The following PTPN5 variants were observed in gnomAD, a reference collection of about 807,000 sequenced individuals.
PTPN5 encodes tyrosine-protein phosphatase non-receptor type 5.
In PTPN5, 29 loss-of-function variants were observed where a neutral mutation model predicts 73.9. The ratio of observed to expected loss-of-function variants is 0.39; its 90% CI spans 0.29 to 0.54. The LOEUF is 0.54. PTPN5 is among the 20% of genes least tolerant of loss of function. PTPN5 has a pLI of 0.65. For missense variants in PTPN5, 652 were observed against 751.4 expected, an observed-to-expected ratio of 0.87 and a Z score of 1.55; for synonymous variants, 267 against 304.7, an observed-to-expected ratio of 0.88 and a Z score of 1.29.
At chr11:18,783,749 G>A (rs1048514427) in intron 1 of PTPN5, among the ~76,000 whole-genome samples, 1 of 152,196 alleles carries the variant, frequency 6.6e-6, no homozygotes, top group Non-Finnish European at 1.5e-5. Context: ...TAGACATTAA[G>A]CTCCTTGCGG....
intron 3 of PTPN5, among the ~76,000 whole-genome samples, chr11:18,753,609 C>T (rs1380706120): frequency 1.3e-5 from 2 of 152,352 alleles, no homozygotes; most frequent in East Asian, 3.9e-4. Flanking sequence ...TCCAGATCCT[C>T]TGTTGGAACC....
rs768878822 is a variant in PTPN5, at chr11:18,742,548, GC to G, written c.484-46del. 1.0e-5 allele frequency: 16 copies of G among 1,600,744 alleles called. No homozygotes were observed. In the East Asian group the frequency reaches 1.1e-4, roughly 11 times the overall value. On this transcript the variant is annotated intron_variant, in intron 6 of 14. Transcript: ENST00000358540. This position sits in a 1 kb window ranked among gnomAD's most constrained non-coding sequence, Gnocchi z 4.1. ...TCACAGATTTCGGACCACGCTGGCT[GC>G]CCCCCGTGTTCCTGGAGTGCCCATG...
intron 3 of PTPN5, among the ~76,000 whole-genome samples, chr11:18,745,447 C>T (rs1564900343): frequency 6.6e-6 from 1 of 152,306 alleles, no homozygotes; most frequent in South Asian, 2.1e-4. Context: ...CCCATTTCAG[C>T]TTCACTCCTT....
chr11:18,732,167 C>A (rs1169486162), intron 12 of PTPN5, among the ~76,000 whole-genome samples: 1 of 152,316 alleles, frequency 6.6e-6, no homozygotes, highest in East Asian at 1.9e-4. Context: ...ACAGATTGGG[C>A]ACTACAGGCC....
At position 18,733,147 on chromosome 11, in the gene PTPN5, A is replaced by C; in HGVS notation, c.1218+88T>G. The C allele has an allele frequency of 6.5e-7, 1 of 1,541,276 alleles. No homozygotes were observed. Among genetic ancestry groups the C allele is most frequent in the Non-Finnish European group, 8.8e-7 (1 of 1,136,940 alleles). On this transcript the variant is annotated intron_variant, in intron 11 of 14. Coordinates refer to ENST00000358540, the MANE Select transcript of PTPN5 (RefSeq NM_006906.2). This position sits in a 1 kb window ranked among gnomAD's most constrained non-coding sequence, Gnocchi z 4.3. ...CGGAGTGAACACCGCCGACCTCTTG[A>C]GATTGTCATAAAGATTAATTTGAGA...
intron 1 of PTPN5, among the ~76,000 whole-genome samples, chr11:18,787,766 A>G (rs1564937612): frequency 6.6e-6 from 1 of 152,134 alleles, no homozygotes; most frequent in African/African-American, 2.4e-5. Flanking sequence ...TCTCCAAAGC[A>G]CTGCTCACCA....
At chr11:18,790,843 C>T (rs757662502) in intron 1 of PTPN5, among the ~76,000 whole-genome samples, 4 of 152,302 alleles carry the variant, frequency 2.6e-5, no homozygotes, top group Non-Finnish European at 4.4e-5. Flanking sequence ...CTTACTGGGC[C>T]TCAGTTTCCC....
chr11:18,770,221 C>T (rs1850819002), intron 2 of PTPN5, among the ~76,000 whole-genome samples: 1 of 152,164 alleles, frequency 6.6e-6, no homozygotes, highest in South Asian at 2.1e-4. Flanking sequence ...TAATGTTGTG[C>T]AACCATCATA....
At chr11:18,754,849 A>G (rs906590549) in intron 3 of PTPN5, among the ~76,000 whole-genome samples, 10 of 152,190 alleles carry the variant, frequency 6.6e-5, no homozygotes, top group African/African-American at 2.4e-4. Flanking sequence ...TCCTGAGACT[A>G]TGCCTCTTTG....
chr11:18,781,803 T>C (rs1851443956), intron 1 of PTPN5, among the ~76,000 whole-genome samples: 1 of 151,578 alleles, frequency 6.6e-6, no homozygotes, highest in South Asian at 2.1e-4. Context: ...GCCTAGTGAG[T>C]TGAGTGAGAA....
rs114409638 is a variant in PTPN5, at chr11:18,772,082, G to A, written c.-113-11C>T. ...CTTCAGATCATCCAGCTGGGAAAAC[G>A]GGGCAAAGAGAGATTAAGTGACTAG... On this transcript the variant is annotated splice_polypyrimidine_tract_variant and intron_variant, in intron 1 of 14. Coordinates refer to ENST00000358540, the MANE Select transcript of PTPN5 (RefSeq NM_006906.2). 1.9e-3 allele frequency: 1,304 copies of A among 680,316 alleles called. 6 individuals carry two copies. In the African/African-American group the frequency reaches 0.022, roughly 11 times the overall value. The allele number at this position is 680,316 out of a possible 1,614,324, so 42.1% of individuals were successfully genotyped here. A position where few individuals can be genotyped will look rare whatever the true frequency, so the allele number is the denominator to read the frequency against.
intron 8 of PTPN5, among the ~76,000 whole-genome samples, chr11:18,739,766 G>C (rs964356820): frequency 6.6e-6 from 1 of 152,242 alleles, no homozygotes; most frequent in African/African-American, 2.4e-5. Flanking sequence ...CAGAAGTGAG[G>C]AGTTACCTGT....
chr11:18,745,078 G>C (rs1849553837), intron 3 of PTPN5, among the ~76,000 whole-genome samples: 1 of 152,192 alleles, frequency 6.6e-6, no homozygotes, highest in African/African-American at 2.4e-5. Context: ...GCTTAGATCT[G>C]AGCCCCTGGC....
At chr11:18,783,753 C>T (rs1483962154) in intron 1 of PTPN5, among the ~76,000 whole-genome samples, 2 of 152,218 alleles carry the variant, frequency 1.3e-5, no homozygotes, top group African/African-American at 4.8e-5. Flanking sequence ...CATTAAGCTC[C>T]TTGCGGGCAG....
chr11:18,754,343 G>T (rs978760257), intron 3 of PTPN5, among the ~76,000 whole-genome samples: 2 of 152,206 alleles, frequency 1.3e-5, no homozygotes, highest in East Asian at 3.8e-4. Flanking sequence ...AACGGAGAAA[G>T]ACTCATGGAC....
At position 18,775,644 on chromosome 11, in the gene PTPN5, G is replaced by A. The variant is rs375081955; in HGVS notation, c.-113-3573C>T. Among the ~76,000 whole-genome samples, 35 of 152,322 alleles carry A rather than the reference G, an allele frequency of 2.3e-4. 1 individual carries two copies. In the East Asian group the frequency reaches 3.5e-3, roughly 15 times the overall value. On this transcript the variant is annotated intron_variant, in intron 1 of 14. Transcript: ENST00000358540. ...AGCTGTGTTCCATCAGTGCCATGAC[G>A]AATACACTCACTGGCCCAGGGCCCA... is the stretch of plus-strand genomic sequence containing the variant.
chr11:18,763,753 T>C (rs1264148299), intron 3 of PTPN5, among the ~76,000 whole-genome samples: 1 of 152,364 alleles, frequency 6.6e-6, no homozygotes, highest in Non-Finnish European at 1.5e-5. Context: ...CTTGAGTGAA[T>C]GACTGAGTGG....
At chr11:18,754,718 A>G (rs1850048155) in intron 3 of PTPN5, among the ~76,000 whole-genome samples, 1 of 152,182 alleles carries the variant, frequency 6.6e-6, no homozygotes, top group South Asian at 2.1e-4. Context: ...TAAAAGCATA[A>G]AGCAAAACCA....
At chr11:18,786,762 T>A (rs983572111) in intron 1 of PTPN5, among the ~76,000 whole-genome samples, 1 of 152,174 alleles carries the variant, frequency 6.6e-6, no homozygotes, top group African/African-American at 2.4e-5. Flanking sequence ...CCAGCCAGTT[T>A]TCCCATCTCC....
Sources: allele counts gnomAD v4.1 joint callset (sites outside exome capture counted in the v4.1 genomes callset), GRCh38; gene constraint gnomAD v4.1.1; non-coding constraint Gnocchi (gnomAD v3.1); transcripts MANE v1.5; gene names NCBI Gene and HGNC (gene_info 2026-07-23, HGNC 2026-07-21).